NHSL2: variants seen among roughly 807,000 people sequenced by gnomAD.
The protein encoded by NHSL2 is NHS-like protein 2.
Under a neutral mutation model 53.4 loss-of-function variants are expected in NHSL2, and 27 were observed. The observed-to-expected ratio is 0.51, with a 90% CI of 0.37 to 0.70. The LOEUF (loss-of-function observed/expected upper bound fraction) is 0.70. Among genes scored for constraint, NHSL2 ranks in the 30% least tolerant of loss-of-function variants. NHSL2 has a pLI of 0.00. For missense variants in NHSL2, 892 were observed against 980.1 expected, an observed-to-expected ratio of 0.91 and a Z score of 1.20; for synonymous variants, 408 against 404.1, an observed-to-expected ratio of 1.01 and a Z score of -0.12.
chrX:72,101,661 C>T (rs968172189), intron 1 of NHSL2, among the ~76,000 whole-genome samples: 13 of 110,345 alleles, frequency 1.2e-4, no homozygotes, highest in African/African-American at 4.0e-4. Flanking sequence ...GAATTTCCTC[C>T]TGTGGCTGCC....
chrX:72,119,948 A>C (rs2042169129), intron 1 of NHSL2, among the ~76,000 whole-genome samples: 1 of 112,387 alleles, frequency 8.9e-6, no homozygotes, highest in Non-Finnish European at 1.9e-5. Context: ...GAGGGTTTTT[A>C]TCATGAAAGA....
chrX:72,115,090 C>A (rs1351567896), intron 1 of NHSL2, among the ~76,000 whole-genome samples: 1 of 111,384 alleles, frequency 9.0e-6, no homozygotes, highest in Admixed American at 9.5e-5. Flanking sequence ...GAACACACAG[C>A]GAGGTCGTGA....
intron 1 of NHSL2, among the ~76,000 whole-genome samples, chrX:72,023,330 G>A (rs780358608): frequency 8.9e-6 from 1 of 112,876 alleles, no homozygotes; most frequent in African/African-American, 3.2e-5. Context: ...AAATCAGGCT[G>A]GCGGATGCTG....
rs190104390 is a variant in NHSL2, at chrX:71,952,145, G to C, written c.280+40778G>C. On this transcript the variant is annotated intron_variant, in intron 1 of 7. Transcript: ENST00000633930. ...CAGTTCTATGCCTTCTTAGAAACTT[G>C]CCTATTCTCCAATATGGGTTGAAGT... Among the ~76,000 whole-genome samples the C allele has an allele frequency of 2.7e-5, 3 of 112,363 alleles. No individual in the cohort carries two copies. The East Asian group carries it at 8.4e-4, about 31-fold the overall frequency.
intron 1 of NHSL2, among the ~76,000 whole-genome samples, chrX:71,913,178 A>G (rs2041612544): frequency 3.6e-5 from 4 of 111,741 alleles, no homozygotes; most frequent in South Asian, 3.8e-4. Context: ...TGCTGCATAA[A>G]TGGAACACAG....
At position 72,134,098 on chromosome X, in the gene NHSL2, T is replaced by A; in HGVS notation, c.444T>A (p.Tyr148Ter). 3 of 1,167,281 alleles carry A rather than the reference T, an allele frequency of 2.6e-6. No homozygotes were observed. The highest frequency in any genetic ancestry group is 3.4e-6 in the Non-Finnish European group (3 of 872,471). ...CACTGTGCTATTTTTCAGAAGAATA[T>A]GAGGAACAGTACTCGGAGGCCAGAC... Reference protein sequence around the residue: ...LNLQSLLQEEYEEQYSEARLV... With the variant: ...LNLQSLLQEE The change falls in exon 3 of 8, where the codon TAT (tyrosine) becomes TAA (stop). Residue 148 changes from tyrosine (Y) to a stop codon, truncating the protein, a stop_gained. Coordinates refer to ENST00000633930, the MANE Select transcript of NHSL2 (RefSeq NM_001013627.3). LOFTEE classifies it high-confidence loss of function.
chrX:71,989,003 A>G (rs2042015127), intron 1 of NHSL2, among the ~76,000 whole-genome samples: 1 of 111,309 alleles, frequency 9.0e-6, no homozygotes, highest in South Asian at 3.8e-4. Flanking sequence ...AAGCTATGCA[A>G]TATACTAACA....
At position 72,144,224 on chromosome X, in the gene NHSL2, G is replaced by A. The variant is rs928110247; in HGVS notation, c.*650G>A. 1 of 158,918 alleles carries A rather than the reference G, an allele frequency of 6.3e-6. No individual in the cohort carries two copies. Among genetic ancestry groups the A allele is most frequent in the African/African-American group, 3.2e-5 (1 of 31,660 alleles). 13.1% of individuals were successfully genotyped at this position (158,918 alleles called of 1,213,427 possible). On this transcript the variant is annotated 3_prime_UTR_variant, in exon 8 of 8. Coordinates refer to ENST00000633930, the MANE Select transcript of NHSL2 (RefSeq NM_001013627.3). ...AGTTTGATTGTCTACATGGAGATCA[G>A]GGTGATAAGTTTCAATAAACATATA...
intron 1 of NHSL2, among the ~76,000 whole-genome samples, chrX:72,038,795 A>T (rs1319746355): frequency 8.9e-6 from 1 of 112,050 alleles, no homozygotes; most frequent in East Asian, 2.8e-4. Context: ...GTGAATAAAG[A>T]TATATAATAA....
intron 1 of NHSL2, among the ~76,000 whole-genome samples, chrX:71,996,106 A>T (rs1335589127): frequency 2.7e-5 from 3 of 112,545 alleles, no homozygotes; most frequent in Non-Finnish European, 5.6e-5. Flanking sequence ...GTCCATTTAT[A>T]AAGCAATTTA....
At chrX:71,911,783 T>C (rs925656704) in intron 1 of NHSL2, among the ~76,000 whole-genome samples, 4 of 113,061 alleles carry the variant, frequency 3.5e-5, no homozygotes, top group African/African-American at 6.4e-5. Flanking sequence ...TCTTTGCTCC[T>C]GTCTAGGAGC....
At chrX:72,106,977 G>A (rs1488856212) in intron 1 of NHSL2, among the ~76,000 whole-genome samples, 1 of 106,990 alleles carries the variant, frequency 9.3e-6, no homozygotes, top group Admixed American at 1.0e-4. Context: ...GGTGGGGGCT[G>A]GGGGAGGGAT....
At chrX:72,116,813 T>A (rs566560724) in intron 1 of NHSL2, among the ~76,000 whole-genome samples, 1 of 111,225 alleles carries the variant, frequency 9.0e-6, no homozygotes, top group South Asian at 3.8e-4. Flanking sequence ...GTCTCCCTCA[T>A]CCTCAGGGAG....
At chrX:71,934,846 C>T (rs1435259371) in intron 1 of NHSL2, among the ~76,000 whole-genome samples, 2 of 112,002 alleles carry the variant, frequency 1.8e-5, no homozygotes, top group African/African-American at 3.3e-5. Flanking sequence ...TTGGCTTGAA[C>T]ATCTGGTTAG....
intron 1 of NHSL2, chrX:72,130,602 A>T: frequency 8.3e-7 from 1 of 1,211,554 alleles, no homozygotes; most frequent in Non-Finnish European, 1.1e-6. Flanking sequence ...TAGGCTTGGG[A>T]ACGCGCACTT....
At chrX:72,100,738 G>A (rs1023211352) in intron 1 of NHSL2, among the ~76,000 whole-genome samples, 1 of 112,571 alleles carries the variant, frequency 8.9e-6, no homozygotes, top group African/African-American at 3.2e-5. Flanking sequence ...AGGTGGAACA[G>A]TTTCATCCTG....
Position 72,131,205 on chromosome X carries a change from G to T in NHSL2, c.281-874G>T, listed in dbSNP as rs199597770. 2,019 of 1,196,063 alleles carry T rather than the reference G, an allele frequency of 1.7e-3. 8 individuals are homozygous for T. Among genetic ancestry groups the T allele is most frequent in the South Asian group, 0.011 (630 of 55,568 alleles). On this transcript the variant is annotated intron_variant, in intron 1 of 7. Transcript: ENST00000633930. ...GGGGGTCAGCGGGCCCGTCGGGGGT[G>T]CTGCGATCCTGGATCACGTTAATCA...
intron 1 of NHSL2, among the ~76,000 whole-genome samples, chrX:72,119,448 A>G (rs899199260): frequency 5.3e-5 from 6 of 112,265 alleles, no homozygotes; most frequent in Middle Eastern, 4.2e-3. Context: ...CATGTTTCAT[A>G]GTTTTTAGCA....
chrX:72,007,920 G>A (rs1220005219), intron 1 of NHSL2, among the ~76,000 whole-genome samples: 1 of 112,820 alleles, frequency 8.9e-6, no homozygotes, highest in Non-Finnish European at 1.9e-5. Flanking sequence ...GCTTTGGAAT[G>A]AGCCCTCAGA....
Sources: gnomAD v4.1 joint callset for allele counts (sites outside exome capture counted in the v4.1 genomes callset) on GRCh38, gnomAD v4.1.1 for gene constraint, MANE v1.5 for transcripts, NCBI Gene and HGNC (gene_info 2026-07-23, HGNC 2026-07-21) for gene names.